Variants in RALA observed in about 807,000 individuals in gnomAD.
RALA encodes ras-related protein Ral-A.
In RALA, 5 loss-of-function variants were observed where a neutral mutation model predicts 24.0. The observed-to-expected ratio is 0.21, with a 90% CI of 0.11 to 0.44. The LOEUF (loss-of-function observed/expected upper bound fraction) is 0.44, where lower values mean the gene tolerates loss of function less well. Among genes scored for constraint, RALA ranks in the 20% least tolerant of loss-of-function variants. The pLI is 0.99. For synonymous variants in RALA, 77 were observed against 83.8 expected, an observed-to-expected ratio of 0.92 and a Z score of 0.44; for missense variants, 95 against 241.2, an observed-to-expected ratio of 0.39 and a Z score of 4.01.
chr7:39,653,489 C>T (rs1792051888), intron 1 of RALA, among the ~76,000 whole-genome samples: 1 of 151,454 alleles, frequency 6.6e-6, no homozygotes, highest in Non-Finnish European at 1.5e-5. Flanking sequence ...CATGCCTGGC[C>T]AATTTTTAAA....
intron 1 of RALA, among the ~76,000 whole-genome samples, chr7:39,680,892 G>A (rs375087153): frequency 4.1e-4 from 63 of 152,008 alleles, no homozygotes; most frequent in African/African-American, 1.5e-3. Flanking sequence ...TTTGAATTCC[G>A]GCTCCCTCGC....
chr7:39,638,209 CT>C (rs1430954512), intron 1 of RALA, among the ~76,000 whole-genome samples: 1 of 152,184 alleles, frequency 6.6e-6, no homozygotes. Flanking sequence ...AGTGATCCTG[CT>C]GCTTAAGCCT....
chr7:39,659,385 A>G (rs1792147721), intron 1 of RALA, among the ~76,000 whole-genome samples: 2 of 152,036 alleles, frequency 1.3e-5, no homozygotes, highest in South Asian at 4.1e-4. Flanking sequence ...TTTTCAGGGA[A>G]TTGTCAAGTC....
chr7:39,704,182 G>GTTTAAGATT (rs1408424242), intron 4 of RALA, among the ~76,000 whole-genome samples: 2 of 146,134 alleles, frequency 1.4e-5, no homozygotes, highest in African/African-American at 2.5e-5. Context: ...AAAAAAAGAA[G>GTTTAAGATT]TTTAAGATTT....
chr7:39,701,264 A>G (rs1380209608), intron 4 of RALA, among the ~76,000 whole-genome samples: 1 of 152,122 alleles, frequency 6.6e-6, no homozygotes, highest in Non-Finnish European at 1.5e-5. Context: ...TAATCCCTGC[A>G]CTCTGGTAGG....
chr7:39,680,249 G>T (rs2116048830), intron 1 of RALA, among the ~76,000 whole-genome samples: 1 of 151,952 alleles, frequency 6.6e-6, no homozygotes, highest in South Asian at 2.1e-4. Context: ...TGCACCTGTA[G>T]TCCCAGCTAC....
At chr7:39,649,510 C>A (rs1164811580) in intron 1 of RALA, among the ~76,000 whole-genome samples, 1 of 152,096 alleles carries the variant, frequency 6.6e-6, no homozygotes, top group Non-Finnish European at 1.5e-5. Flanking sequence ...TAGCTAGGCC[C>A]TTTTTTGCTC....
chr7:39,665,864 C>A (rs538197411), intron 1 of RALA, among the ~76,000 whole-genome samples: 40 of 150,740 alleles, frequency 2.7e-4, no homozygotes, highest in Non-Finnish European at 4.0e-4. Context: ...TTTTTTTAAT[C>A]CTGGCTTCAC....
chr7:39,629,996 T>C (rs1791563793), intron 1 of RALA, among the ~76,000 whole-genome samples: 1 of 152,154 alleles, frequency 6.6e-6, no homozygotes, highest in Non-Finnish European at 1.5e-5. Context: ...CCCCAAGTGC[T>C]AGGATTACAG....
chr7:39,631,283 C>T (rs1016061102), intron 1 of RALA, among the ~76,000 whole-genome samples: 1 of 152,228 alleles, frequency 6.6e-6, no homozygotes, highest in Non-Finnish European at 1.5e-5. Context: ...ACTGGGATTA[C>T]AGGCGTGAGC....
At chr7:39,629,363 G>C (rs184249654) in intron 1 of RALA, among the ~76,000 whole-genome samples, 2 of 152,080 alleles carry the variant, frequency 1.3e-5, no homozygotes, top group Non-Finnish European at 2.9e-5. Flanking sequence ...TATGTTTAAG[G>C]GTCATTTTAA....
At chr7:39,662,024 G>A (rs1792201248) in intron 1 of RALA, among the ~76,000 whole-genome samples, 1 of 152,154 alleles carries the variant, frequency 6.6e-6, no homozygotes, top group Admixed American at 6.6e-5. Flanking sequence ...CCAAGGCTTG[G>A]GGCTTGCACC....
At position 39,629,363 on chromosome 7, in the gene RALA, G is replaced by A. The variant is rs184249654; in HGVS notation, c.-38+5538G>A. Reference sequence around the variant, plus strand: ...TTGAACATGTTTTCATATGTTTAAGGGTCATTTTAATATTTATTTTTATTG... The same window carrying A: ...TTGAACATGTTTTCATATGTTTAAGAGTCATTTTAATATTTATTTTTATTG... On this transcript the variant is annotated intron_variant, in intron 1 of 4. Coordinates refer to ENST00000005257, the MANE Select transcript of RALA (RefSeq NM_005402.4). Among the ~76,000 whole-genome samples the A allele has an allele frequency of 1.6e-4, 24 of 152,200 alleles. No homozygotes were observed. In the East Asian group the frequency reaches 3.5e-3, roughly 22 times the overall value.
At chr7:39,669,066 A>T (rs1374260372) in intron 1 of RALA, among the ~76,000 whole-genome samples, 1 of 152,190 alleles carries the variant, frequency 6.6e-6, no homozygotes, top group Non-Finnish European at 1.5e-5. Flanking sequence ...GTGAACCGAG[A>T]TCGCACCACT....
At chr7:39,651,126 A>G (rs1792011824) in intron 1 of RALA, among the ~76,000 whole-genome samples, 1 of 152,218 alleles carries the variant, frequency 6.6e-6, no homozygotes, top group Non-Finnish European at 1.5e-5. Flanking sequence ...CCAGTATTCA[A>G]TAAATTATAT....
intron 1 of RALA, among the ~76,000 whole-genome samples, chr7:39,662,179 A>G (rs1027374101): frequency 1.3e-5 from 2 of 151,876 alleles, no homozygotes; most frequent in African/African-American, 2.4e-5. Context: ...TTTTCCTCCT[A>G]TGCCTCAGGC....
At chr7:39,679,366 C>T (rs1792545067) in intron 1 of RALA, among the ~76,000 whole-genome samples, 1 of 152,118 alleles carries the variant, frequency 6.6e-6, no homozygotes, top group African/African-American at 2.4e-5. Context: ...AACTTACAGG[C>T]CATACGAAAA....
chr7:39,635,296 G>A (rs1240673531), intron 1 of RALA, among the ~76,000 whole-genome samples: 1 of 152,164 alleles, frequency 6.6e-6, no homozygotes, highest in African/African-American at 2.4e-5. Context: ...GATCGCTTGA[G>A]CCCAGGAGGT....
chr7:39,682,224 T>C (rs557878417), intron 1 of RALA, among the ~76,000 whole-genome samples: 25 of 152,364 alleles, frequency 1.6e-4, no homozygotes, highest in African/African-American at 5.5e-4. Context: ...AACAGTGCCT[T>C]GCACTTAGTG....
Sources: allele counts gnomAD v4.1 joint callset (sites outside exome capture counted in the v4.1 genomes callset), GRCh38; gene constraint gnomAD v4.1.1; transcripts MANE v1.5; gene names NCBI Gene and HGNC (gene_info 2026-07-23, HGNC 2026-07-21).